FAM81A: variants seen among roughly 807,000 people sequenced by gnomAD.
FAM81A encodes the protein protein FAM81A.
A neutral mutation model predicts 46.7 loss-of-function variants in FAM81A; 19 were observed. That is an observed-to-expected ratio of 0.41 (90% CI 0.28 to 0.60). FAM81A has a LOEUF of 0.60. Ranked by LOEUF, FAM81A falls within the 20% of genes least tolerant of loss-of-function variation. The pLI, the probability that FAM81A is intolerant of heterozygous loss-of-function variation, is 0.34. For missense variants in FAM81A, 377 were observed against 453.5 expected, an observed-to-expected ratio of 0.83 and a Z score of 1.53; for synonymous variants, 183 against 152.9, an observed-to-expected ratio of 1.20 and a Z score of -1.45.
At chr15:59,516,259 G>A (rs1003277708) in intron 7 of FAM81A, among the ~76,000 whole-genome samples, 1 of 151,628 alleles carries the variant, frequency 6.6e-6, no homozygotes, top group Admixed American at 6.6e-5. Context: ...CTATGTAGCT[G>A]GGATTACAGG....
chr15:59,451,768 C>G (rs1391652679), intron 1 of FAM81A, among the ~76,000 whole-genome samples: 1 of 151,908 alleles, frequency 6.6e-6, no homozygotes, highest in African/African-American at 2.4e-5. Flanking sequence ...TACATTTTGT[C>G]TCTTCAAGCT....
At chr15:59,493,235 A>G (rs1258154162) in intron 4 of FAM81A, among the ~76,000 whole-genome samples, 2 of 152,198 alleles carry the variant, frequency 1.3e-5, no homozygotes, top group African/African-American at 4.8e-5. Context: ...GAGGAGTAGT[A>G]TTAGGGTGTC....
chr15:59,457,708 T>C (rs1314152529), intron 1 of FAM81A, among the ~76,000 whole-genome samples: 1 of 152,218 alleles, frequency 6.6e-6, no homozygotes, highest in African/African-American at 2.4e-5. Flanking sequence ...TGTGCACATT[T>C]TGAAACTCCA....
chr15:59,443,394 T>A (rs192038793), intron 1 of FAM81A, among the ~76,000 whole-genome samples: 6 of 152,204 alleles, frequency 3.9e-5, no homozygotes, highest in African/African-American at 1.2e-4. Flanking sequence ...AAAGATCTTT[T>A]AAAAAAAAGA....
chr15:59,414,975 CTGGCTAATTTTTT>C (rs2081139720), intron 2 of FAM81A, among the ~76,000 whole-genome samples: 1 of 151,846 alleles, frequency 6.6e-6, no homozygotes. Flanking sequence ...GCCACAATGC[CTGGCTAATTTTTT>C]TGTATTTTTA....
At chr15:59,493,507 G>A (rs2082002816) in intron 4 of FAM81A, among the ~76,000 whole-genome samples, 1 of 152,090 alleles carries the variant, frequency 6.6e-6, no homozygotes, top group South Asian at 2.1e-4. Flanking sequence ...TTTTTTGTTA[G>A]TCCCTGAATA....
intron 3 of FAM81A, among the ~76,000 whole-genome samples, chr15:59,486,216 AAAG>A (rs1253425675): frequency 1.3e-5 from 2 of 152,150 alleles, no homozygotes; most frequent in East Asian, 1.9e-4. Context: ...AAATAATTAA[AAAG>A]AAGCAGAAAT....
intron 2 of FAM81A, among the ~76,000 whole-genome samples, chr15:59,421,571 G>T (rs888049847): frequency 6.6e-5 from 10 of 152,118 alleles, no homozygotes; most frequent in Non-Finnish European, 1.3e-4. Flanking sequence ...ACTTGTAATT[G>T]TGCCCTACTT....
At chr15:59,443,644 C>G (rs982429188) in intron 1 of FAM81A, among the ~76,000 whole-genome samples, 4 of 151,882 alleles carry the variant, frequency 2.6e-5, no homozygotes, top group African/African-American at 9.7e-5. Flanking sequence ...TGCCATCATC[C>G]TCTTCTCTGT....
In FAM81A at chr15:59,492,325, G is replaced by A; in HGVS notation, c.349G>A (p.Ala117Thr). 1 of 1,613,842 alleles carries A rather than the reference G, an allele frequency of 6.2e-7. No individual in the cohort carries two copies. Among genetic ancestry groups the A allele is most frequent in the Non-Finnish European group, 8.5e-7 (1 of 1,179,838 alleles). ...RDNISYGTNS[A>T]LKTLEMRQLS... ...CAACATTAGCTATGGAACTAATTCT[G>A]CCTTAAAGACCCTGGAGATGCGCCA... The change falls in exon 4 of 9, where the codon GCC (alanine) becomes ACC (threonine). Residue 117 changes from alanine to threonine, a missense_variant. Coordinates refer to ENST00000288228, the MANE Select transcript of FAM81A (RefSeq NM_152450.3).
chr15:59,419,917 C>T (rs1467745651), intron 2 of FAM81A, among the ~76,000 whole-genome samples: 1 of 152,108 alleles, frequency 6.6e-6, no homozygotes, highest in Non-Finnish European at 1.5e-5. Flanking sequence ...AAACCAACTA[C>T]AGCTCTGCCC....
At chr15:59,480,714 G>T (rs1223258478) in intron 3 of FAM81A, among the ~76,000 whole-genome samples, 2 of 152,030 alleles carry the variant, frequency 1.3e-5, no homozygotes, top group African/African-American at 4.8e-5. Flanking sequence ...CAAGTTTCTT[G>T]AATTGAATTG....
At chr15:59,493,724 A>C (rs2082005030) in intron 4 of FAM81A, among the ~76,000 whole-genome samples, 1 of 152,092 alleles carries the variant, frequency 6.6e-6, no homozygotes, top group Admixed American at 6.6e-5. Context: ...AGTAGCTGAG[A>C]CTACAGGCAC....
At chr15:59,442,867 C>T (rs1284974265) in intron 1 of FAM81A, among the ~76,000 whole-genome samples, 1 of 151,980 alleles carries the variant, frequency 6.6e-6, no homozygotes, top group Admixed American at 6.6e-5. Flanking sequence ...TGTCATTTTC[C>T]CTGAACCATT....
chr15:59,515,354 T>C (rs1479948259), intron 7 of FAM81A, among the ~76,000 whole-genome samples: 8 of 152,256 alleles, frequency 5.3e-5, no homozygotes, highest in Admixed American at 3.3e-4. Flanking sequence ...ATGACATCTC[T>C]GTCTCCCTTC....
At chr15:59,459,760 A>G (rs1472313892) in intron 2 of FAM81A, among the ~76,000 whole-genome samples, 173 bp from the exon 3 acceptor site, 1 of 152,136 alleles carries the variant, frequency 6.6e-6, no homozygotes, top group Non-Finnish European at 1.5e-5. Context: ...TGATTATTTA[A>G]AGATCTTTCC....
chr15:59,473,277 G>T (rs1364161133), intron 3 of FAM81A, among the ~76,000 whole-genome samples: 5 of 152,164 alleles, frequency 3.3e-5, no homozygotes, highest in African/African-American at 1.2e-4. Flanking sequence ...GTTTTAAATT[G>T]TGTGCCATTC....
intron 3 of FAM81A, among the ~76,000 whole-genome samples, chr15:59,482,748 A>G (rs1273616636): frequency 6.6e-6 from 1 of 152,216 alleles, no homozygotes; most frequent in East Asian, 1.9e-4. Context: ...GCACCACTAC[A>G]TACAAAAAGA....
At chr15:59,426,441 A>G (rs1300752854) in intron 2 of FAM81A, among the ~76,000 whole-genome samples, 3 of 152,138 alleles carry the variant, frequency 2.0e-5, no homozygotes, top group Non-Finnish European at 4.4e-5. Flanking sequence ...CCCCGTCTCT[A>G]CTTCTCTACT....
Sources: allele counts gnomAD v4.1 joint callset (sites outside exome capture counted in the v4.1 genomes callset), GRCh38; gene constraint gnomAD v4.1.1; transcripts MANE v1.5; gene names NCBI Gene and HGNC (gene_info 2026-07-23, HGNC 2026-07-21).